Variants in ACAT1 observed in about 807,000 individuals in gnomAD.
The protein encoded by ACAT1 is acetyl-CoA acetyltransferase 1, also known as acetyl-CoA acetyltransferase, mitochondrial.
A neutral mutation model predicts 47.3 loss-of-function variants in ACAT1; 28 were observed. The ratio of observed to expected loss-of-function variants is 0.59; its 90% confidence interval spans 0.44 to 0.81. ACAT1 has a LOEUF of 0.81. ACAT1 is among the 30% of genes least tolerant of loss of function. The pLI, the probability that ACAT1 is intolerant of heterozygous loss-of-function variation, is 0.00. For missense variants in ACAT1, 469 were observed against 524.3 expected (o/e 0.89, Z 1.03); for synonymous variants, 181 against 173.6 (o/e 1.04, Z -0.34).
intron 4 of ACAT1, 144 bp from the exon 5 acceptor site, chr11:108,134,998 A>G (rs2135340726): frequency 1.6e-6 from 1 of 614,900 alleles, no homozygotes; most frequent in East Asian, 2.9e-5. Context: ...AGGTTATTTA[A>G]GCTTAAATGA....
chr11:108,140,116 C>G lies in ACAT1; in HGVS notation c.631C>G (p.Gln211Glu). ...GAAGCTGAATATTGCACGAAATGAA[C>G]AGGACGCTTATGCTATTAATTCTTA... ...AKKLNIARNE[Q>E]DAYAINSYTR... The change falls in exon 7 of 12, where the codon CAG becomes GAG. Residue 211 changes from glutamine to glutamate, a missense_variant. Gln to Glu is a conservative substitution (Grantham distance 29). Transcript: ENST00000265838. The G allele has an allele frequency of 6.2e-7, 1 of 1,614,092 alleles. No individual in the cohort carries two copies. Among genetic ancestry groups the G allele is most frequent in the Non-Finnish European group, 8.5e-7 (1 of 1,179,992 alleles).
In ACAT1 at chr11:108,121,591, T is replaced by G. The variant is rs779836916; in HGVS notation, c.-16T>G. The G allele has an allele frequency of 1.4e-5, 22 of 1,550,124 alleles. No individual in the cohort carries two copies. In the Middle Eastern group the frequency reaches 5.1e-4, roughly 36 times the overall value. On this transcript the variant is annotated 5_prime_UTR_variant, in exon 1 of 12. Coordinates refer to ENST00000265838, the MANE Select transcript of ACAT1 (RefSeq NM_000019.4). ...TAGTCTACGCCTGTGGAGCCGATAC[T>G]CAGCCCTCTGCGACCATGGCTGTGC...
upstream of ACAT1, chr11:108,121,504 G>A: frequency 6.1e-6 from 8 of 1,303,436 alleles, no homozygotes; most frequent in Non-Finnish European, 8.6e-6. Context: ...ACTATTGGAG[G>A]AAGCGGGATG....
At chr11:108,125,036 T>C (rs565434054) in intron 1 of ACAT1, among the ~76,000 whole-genome samples, 1 of 152,358 alleles carries the variant, frequency 6.6e-6, no homozygotes, top group South Asian at 2.1e-4. Flanking sequence ...CTCTGAGTTA[T>C]TGGTAACTTT....
At position 108,139,422 on chromosome 11, in the gene ACAT1, C is replaced by T. The variant is rs369308171; in HGVS notation, c.579+381C>T. Among the ~76,000 whole-genome samples the T allele has an allele frequency of 8.3e-4, 126 of 151,952 alleles. 3 individuals are homozygous for T. Among genetic ancestry groups the T allele is most frequent in the African/African-American group, 2.8e-3 (118 of 41,444 alleles). Reference sequence around the variant, plus strand: ...CTTGGCCAATGTGGTGAGACCCTGTCTCTATTAAAAATACAAAAAAATTAG... The same window carrying T: ...CTTGGCCAATGTGGTGAGACCCTGTTTCTATTAAAAATACAAAAAAATTAG... On this transcript the variant is annotated intron_variant, in intron 6 of 11. Coordinates refer to ENST00000265838, the MANE Select transcript of ACAT1 (RefSeq NM_000019.4).
At chr11:108,145,063 C>G (rs566425851) in intron 10 of ACAT1, among the ~76,000 whole-genome samples, 3 of 152,108 alleles carry the variant, frequency 2.0e-5, no homozygotes, top group African/African-American at 7.2e-5. Flanking sequence ...TTATCGCTCA[C>G]AACAATCAAA....
At chr11:108,142,126 A>C (rs2077601411) in intron 8 of ACAT1, among the ~76,000 whole-genome samples, 1 of 152,250 alleles carries the variant, frequency 6.6e-6, no homozygotes, top group South Asian at 2.1e-4. Flanking sequence ...ATATTGAATA[A>C]GGAAAGTTAG....
At chr11:108,131,354 A>ATTTTTTTTT (rs397951009) in intron 1 of ACAT1, among the ~76,000 whole-genome samples, 32,378 of 62,232 alleles carry the variant, frequency 0.52, 11,778 homozygotes, top group Non-Finnish European at 0.63. Flanking sequence ...AAGACTTGGA[A>ATTTTTTTTT]TTTTTTTTTT....
At chr11:108,140,009 T>C in intron 6 of ACAT1, 56 bp from the exon 7 acceptor site, 1 of 1,555,338 alleles carries the variant, frequency 6.4e-7, no homozygotes, top group East Asian at 2.4e-5. Flanking sequence ...GCAAAGTTAA[T>C]AGATATTTTC....
rs1591363760 is a variant in ACAT1, at chr11:108,135,187, C to T, written c.380C>T (p.Ala127Val). 6.2e-7 allele frequency: 1 copy of T among 1,613,730 alleles called. No homozygotes were observed. Among genetic ancestry groups the T allele is most frequent in the Admixed American group, 1.7e-5 (1 of 59,994 alleles). Reference sequence around the variant, plus strand: ...TGTACCACCATAAACAAAGTTTGTGCTTCAGGAATGAAAGCCATCATGATG... The same window carrying T: ...TGTACCACCATAAACAAAGTTTGTGTTTCAGGAATGAAAGCCATCATGATG... ...TPCTTINKVC[A>V]SGMKAIMMAS... The change falls in exon 5 of 12, where the codon GCT (alanine) becomes GTT (valine). Residue 127 changes from alanine to valine, a missense_variant. Physicochemically the swap from Ala to Val is moderately conservative, Grantham distance 64 (BLOSUM62 0). Transcript: ENST00000265838.
At chr11:108,129,234 T>C (rs1421018756) in intron 1 of ACAT1, 20 of 152,226 alleles carry the variant, frequency 1.3e-4, no homozygotes, top group Admixed American at 1.3e-3. Context: ...TTGTTACGGC[T>C]GAGTAGTATT....
intron 1 of ACAT1, among the ~76,000 whole-genome samples, chr11:108,123,767 T>C (rs962718511): frequency 6.6e-6 from 1 of 152,192 alleles, no homozygotes; most frequent in Admixed American, 6.5e-5. Context: ...CTTGAACTCC[T>C]GGCCTGCCAA....
chr11:108,134,200 CTTTT>C lies in ACAT1; in HGVS notation c.239-11_239-8del. The C allele has an allele frequency of 3.7e-6, 5 of 1,362,114 alleles. No homozygotes were observed. Among genetic ancestry groups the C allele is most frequent in the Admixed American group, 1.9e-5 (1 of 52,488 alleles). The allele number at this position is 1,362,114 out of a possible 1,614,324, so 84.4% of individuals were successfully genotyped here. A position where few individuals can be genotyped will look rare whatever the true frequency, so the allele number is the denominator to read the frequency against. On this transcript the variant is annotated splice_polypyrimidine_tract_variant and intron_variant, in intron 3 of 11. Coordinates refer to ENST00000265838, the MANE Select transcript of ACAT1 (RefSeq NM_000019.4). ...TAAATTGAATTAAATGCCTTTTTGACTTTTTTTTTTTTTAATAAAGGGATTCCAA... is the reference window on the plus strand; with the variant it reads ...TAAATTGAATTAAATGCCTTTTTGACTTTTTTTTTAATAAAGGGATTCCAA...
At chr11:108,136,137 A>G (rs2077464127) in intron 5 of ACAT1, 5 of 661,218 alleles carry the variant, frequency 7.6e-6, no homozygotes, top group Non-Finnish European at 1.3e-5. Flanking sequence ...CTGGACACAC[A>G]GAAGAATCAA....
upstream of ACAT1, among the ~76,000 whole-genome samples, chr11:108,117,756 T>G (rs1445282399): frequency 6.6e-6 from 1 of 152,060 alleles, no homozygotes; most frequent in Non-Finnish European, 1.5e-5. Flanking sequence ...CTTTGTATTA[T>G]AAATATAATA....
chr11:108,121,696 C>T lies in ACAT1; in HGVS notation c.72+18C>T. ...TGGTGCAGGTGAGCGGGGTTCGTCC[C>T]CACAGCACTCAGACCCGGGATGCGA... On this transcript the variant is annotated intron_variant, in intron 1 of 11. Transcript: ENST00000265838. 2 of 1,547,016 alleles carry T rather than the reference C, an allele frequency of 1.3e-6. No individual in the cohort carries two copies. Among genetic ancestry groups the T allele is most frequent in the Admixed American group, 2.0e-5 (1 of 50,966 alleles).
intron 10 of ACAT1, 126 bp downstream of exon 10, chr11:108,144,173 C>G: frequency 9.5e-7 from 1 of 1,054,902 alleles, no homozygotes; most frequent in African/African-American, 1.6e-5. Flanking sequence ...TTCAAATCTT[C>G]CCATGTCTTC....
upstream of ACAT1, among the ~76,000 whole-genome samples, chr11:108,120,695 G>C (rs2077132197): frequency 1.3e-5 from 2 of 152,254 alleles, no homozygotes; most frequent in South Asian, 4.2e-4. Context: ...TGAAGGTTGG[G>C]GACTGGAATC....
chr11:108,142,147 C>G (rs2077602382), intron 8 of ACAT1, among the ~76,000 whole-genome samples: 2 of 152,230 alleles, frequency 1.3e-5, no homozygotes, highest in Non-Finnish European at 1.5e-5. Flanking sequence ...ACCCTGGAGA[C>G]AAAAATATTA....
Sources: gnomAD v4.1 joint callset for allele counts (sites outside exome capture counted in the v4.1 genomes callset) on GRCh38, gnomAD v4.1.1 for gene constraint, MANE v1.5 for transcripts, NCBI Gene and HGNC (gene_info 2026-07-23, HGNC 2026-07-21) for gene names.